The following CHST8 variants were observed in gnomAD, a reference collection of about 807,000 sequenced individuals.
The protein encoded by CHST8 is GALNAC-4-ST1.
Under a neutral mutation model 15.0 loss-of-function variants are expected in CHST8, and 10 were observed. That is an observed-to-expected ratio of 0.67 (90% CI 0.41 to 1.13). CHST8 has a LOEUF of 1.13. Among genes scored for constraint, CHST8 ranks in the 50% most tolerant of loss-of-function variants. CHST8 has a pLI of 0.00. For synonymous variants in CHST8, 259 were observed against 256.6 expected, an observed-to-expected ratio of 1.01 and a Z score of -0.09; for missense variants, 634 against 608.2, an observed-to-expected ratio of 1.04 and a Z score of -0.45.
intron 3 of CHST8, among the ~76,000 whole-genome samples, chr19:33,727,900 G>T (rs946947205): frequency 6.6e-6 from 1 of 152,210 alleles, no homozygotes; most frequent in Non-Finnish European, 1.5e-5. Flanking sequence ...CCTTCACTCG[G>T]CTGGGCTGTG....
Position 33,772,611 on chromosome 19 carries a change from C to T in CHST8, c.823C>T (p.Pro275Ser). The T allele has an allele frequency of 6.2e-7, 1 of 1,614,064 alleles. No individual in the cohort carries two copies. The highest frequency in any genetic ancestry group is 1.1e-5 in the South Asian group (1 of 91,086). Residue 275 changes from proline to serine, a missense_variant, in exon 5 of 5, where the codon CCC (proline) becomes TCC (serine). By Grantham distance (74) the Pro-to-Ser change is moderately conservative. Transcript: ENST00000650847. ...VSAFRDKFEH[P>S]NSYYHPVFGK... ...CGCCTTCCGCGACAAGTTTGAGCACCCCAACAGCTACTATCACCCGGTCTT... is the reference window on the plus strand; with the variant it reads ...CGCCTTCCGCGACAAGTTTGAGCACTCCAACAGCTACTATCACCCGGTCTT...
chr19:33,667,573 C>A (rs565446666), intron 1 of CHST8, among the ~76,000 whole-genome samples, 194 bp from the exon 2 acceptor site: 1 of 152,144 alleles, frequency 6.6e-6, no homozygotes, highest in East Asian at 1.9e-4. Flanking sequence ...GTCTGTTTTG[C>A]GAGATGATTC....
intron 3 of CHST8, among the ~76,000 whole-genome samples, chr19:33,758,469 G>A (rs988415350): frequency 6.6e-6 from 1 of 152,212 alleles, no homozygotes; most frequent in Non-Finnish European, 1.5e-5. Flanking sequence ...CTGCAGTGGG[G>A]GTCACTTCAA....
intron 3 of CHST8, among the ~76,000 whole-genome samples, chr19:33,748,368 C>G (rs1974352876): frequency 6.6e-6 from 1 of 152,266 alleles, no homozygotes; most frequent in Admixed American, 6.5e-5. Flanking sequence ...TCTGCCAGGA[C>G]AGATGGGGCC....
intron 1 of CHST8, among the ~76,000 whole-genome samples, chr19:33,636,622 C>T (rs1972206997): frequency 1.3e-5 from 2 of 152,192 alleles, no homozygotes; most frequent in Middle Eastern, 3.4e-3. Flanking sequence ...GAAAGTAGTC[C>T]GGGCGCAGTG....
At chr19:33,686,229 C>G (rs1209564356) in intron 2 of CHST8, among the ~76,000 whole-genome samples, 1 of 152,182 alleles carries the variant, frequency 6.6e-6, no homozygotes, top group African/African-American at 2.4e-5. Context: ...TGAAGCTCCA[C>G]CACCATGGAG....
intron 1 of CHST8, among the ~76,000 whole-genome samples, chr19:33,632,942 T>C (rs574195668): frequency 1.5e-4 from 23 of 152,196 alleles, no homozygotes; most frequent in African/African-American, 5.5e-4. Flanking sequence ...CTAATTTTTG[T>C]GCCTCAGCCT....
At chr19:33,642,431 C>T (rs1471902372) in intron 1 of CHST8, among the ~76,000 whole-genome samples, 1 of 152,080 alleles carries the variant, frequency 6.6e-6, no homozygotes, top group Non-Finnish European at 1.5e-5. Context: ...GGCACGATCT[C>T]GGCTCTTTGC....
rs181933636 is a variant in CHST8 at position 33,771,937 on chromosome 19, C to A, written c.169-20C>A. ...CAGCTGTCCTTTCCACTCAGATAACCACTTCTCTTCTTGCCCCAGGACCTC... is the reference window on the plus strand; with the variant it reads ...CAGCTGTCCTTTCCACTCAGATAACAACTTCTCTTCTTGCCCCAGGACCTC... On this transcript the variant is annotated intron_variant, in intron 4 of 4. Coordinates refer to ENST00000650847, the MANE Select transcript of CHST8 (RefSeq NM_001127895.2). The A allele has an allele frequency of 2.5e-3, 3,801 of 1,535,720 alleles. 13 individuals carry two copies. Among genetic ancestry groups the A allele is most frequent in the Non-Finnish European group, 2.7e-3 (3,138 of 1,144,696 alleles).
chr19:33,670,494 G>A (rs1972723137), intron 2 of CHST8, among the ~76,000 whole-genome samples: 1 of 152,200 alleles, frequency 6.6e-6, no homozygotes, highest in African/African-American at 2.4e-5. Flanking sequence ...CCCATCACCT[G>A]TCCTGACACA....
At chr19:33,724,480 C>CTGCCGG (rs201677735) in intron 3 of CHST8, among the ~76,000 whole-genome samples, 11,358 of 152,328 alleles carry the variant, frequency 0.075, 601 homozygotes, top group Middle Eastern at 0.12. Flanking sequence ...GGCTGCGGGG[C>CTGCCGG]TGGCAGCCGG....
At chr19:33,725,286 A>AC (rs975810996) in intron 3 of CHST8, among the ~76,000 whole-genome samples, 1 of 150,958 alleles carries the variant, frequency 6.6e-6, no homozygotes, top group African/African-American at 2.4e-5. Context: ...CCACACACTC[A>AC]CCCCCCAGGG....
intron 2 of CHST8, among the ~76,000 whole-genome samples, chr19:33,672,703 G>A (rs1245551880): frequency 1.3e-5 from 2 of 152,202 alleles, no homozygotes; most frequent in South Asian, 2.1e-4. Flanking sequence ...GGAACGATGA[G>A]AAATGAGGTG....
At chr19:33,771,591 C>A in intron 4 of CHST8, 141 bp downstream of exon 4, 1 of 868,504 alleles carries the variant, frequency 1.2e-6, no homozygotes, top group Non-Finnish European at 1.8e-6. Context: ...GCCTTGGGAA[C>A]AAAGCCCAGG....
chr19:33,715,036 T>A (rs1411251254), intron 3 of CHST8, among the ~76,000 whole-genome samples: 1 of 152,164 alleles, frequency 6.6e-6, no homozygotes, highest in African/African-American at 2.4e-5. Context: ...CACTTCTCCC[T>A]CCATTCCTGT....
chr19:33,771,582 C>G (rs1224477989), intron 4 of CHST8, 132 bp downstream of exon 4: 2 of 928,830 alleles, frequency 2.2e-6, no homozygotes, highest in African/African-American at 1.7e-5. Flanking sequence ...TTCCCAGGAG[C>G]CTTGGGAACA....
chr19:33,742,237 G>C (rs1974207817), intron 3 of CHST8, among the ~76,000 whole-genome samples: 1 of 152,126 alleles, frequency 6.6e-6, no homozygotes, highest in Non-Finnish European at 1.5e-5. Flanking sequence ...ACTGAGTTCT[G>C]GATCTGAAAA....
chr19:33,636,103 A>AC (rs1183003303), intron 1 of CHST8, among the ~76,000 whole-genome samples: 5 of 151,940 alleles, frequency 3.3e-5, no homozygotes, highest in Admixed American at 3.3e-4. Context: ...AAAAAAAAAA[A>AC]AAAAACCTCT....
intron 3 of CHST8, among the ~76,000 whole-genome samples, chr19:33,728,015 C>A (rs759542103): frequency 6.6e-6 from 1 of 152,278 alleles, no homozygotes; most frequent in Non-Finnish European, 1.5e-5. Context: ...GTAAGCAGAG[C>A]CTGGGGGCTC....
Sources: allele counts gnomAD v4.1 joint callset (sites outside exome capture counted in the v4.1 genomes callset), GRCh38; gene constraint gnomAD v4.1.1; transcripts MANE v1.5; gene names NCBI Gene and HGNC (gene_info 2026-07-23, HGNC 2026-07-21).